The following SENP6 variants were observed in gnomAD, a reference collection of about 807,000 sequenced individuals.
The protein encoded by SENP6 is SUMO specific peptidase 6, also known as sentrin-specific protease 6.
In SENP6, 41 loss-of-function variants were observed where a neutral mutation model predicts 134.5. The ratio of observed to expected loss-of-function variants is 0.30; its 90% CI spans 0.24 to 0.40. The LOEUF is 0.40. Ranked by LOEUF, SENP6 falls within the 10% of genes least tolerant of loss-of-function variation. The probability of loss-of-function intolerance (pLI) is 1.00; values close to 1 mark genes in which losing one functional copy is unlikely to be tolerated. For synonymous variants in SENP6, 395 were observed against 429.8 expected (o/e 0.92, Z 1.00); for missense variants, 1,248 against 1,312.5 (o/e 0.95, Z 0.76).
At chr6:75,619,480 T>C (rs1768103980) in intron 1 of SENP6, among the ~76,000 whole-genome samples, 1 of 151,868 alleles carries the variant, frequency 6.6e-6, no homozygotes, top group Non-Finnish European at 1.5e-5. Flanking sequence ...TGTGTACATA[T>C]GTACACACAT....
chr6:75,628,297 A>G (rs1768853692), intron 3 of SENP6, among the ~76,000 whole-genome samples: 1 of 152,098 alleles, frequency 6.6e-6, no homozygotes, highest in South Asian at 2.1e-4. Flanking sequence ...GATATCCTTC[A>G]CTGAAGATAA....
intron 1 of SENP6, among the ~76,000 whole-genome samples, chr6:75,605,945 A>G (rs1365602591): frequency 6.6e-6 from 1 of 152,144 alleles, no homozygotes; most frequent in Non-Finnish European, 1.5e-5. Flanking sequence ...AGAGAAGTTG[A>G]TAGGTTGAGG....
At chr6:75,617,263 CTTTTTTT>C (rs71002751) in intron 1 of SENP6, among the ~76,000 whole-genome samples, 8 of 58,094 alleles carry the variant, frequency 1.4e-4, no homozygotes, top group Admixed American at 2.3e-4. Flanking sequence ...TTCTTTCTTT[CTTTTTTT>C]TTTTTTTTTT....
intron 7 of SENP6, chr6:75,654,921 C>G (rs1205629125): frequency 6.6e-6 from 1 of 152,226 alleles, no homozygotes; most frequent in Non-Finnish European, 1.5e-5. Flanking sequence ...ACATGTCCAT[C>G]TAGTCATCCC....
rs1491076258 is a variant in SENP6 at position 75,705,923 on chromosome 6, GCC to G, written c.2716+2852_2716+2853del. 6.8e-4 allele frequency among the ~76,000 whole-genome samples: 27 copies of G among 39,912 alleles called. 1 individual carries two copies. The highest frequency in any genetic ancestry group is 3.5e-3 in the African/African-American group (25 of 7,128). The allele number at this position is 39,912 out of a possible 152,430, so 26.2% of individuals were successfully genotyped here. On this transcript the variant is annotated intron_variant, in intron 19 of 23. Transcript: ENST00000447266. ...TAGTGAGTTAGAAAGCTATTTTTGA[GCC>G]TTTTTTTTTTTTTTTTTTTTTTTTT...
In SENP6 at chr6:75,663,582, C is replaced by A. The variant is rs575992926; in HGVS notation, c.994+64C>A. On this transcript the variant is annotated intron_variant, in intron 9 of 23. Coordinates refer to ENST00000447266, the MANE Select transcript of SENP6 (RefSeq NM_015571.4). ...CCAGTATTTTTCAGATATATTTTTA[C>A]AACCACTCTCCCCAACCCCATATAT... 84 of 1,211,522 alleles carry A rather than the reference C, an allele frequency of 6.9e-5. No homozygotes were observed. In the South Asian group the frequency reaches 9.3e-4, roughly 13 times the overall value. The allele number at this position is 1,211,522 out of a possible 1,614,324, so 75.0% of individuals were successfully genotyped here.
At chr6:75,706,878 G>GT (rs763797149) in intron 19 of SENP6, among the ~76,000 whole-genome samples, 7 of 152,314 alleles carry the variant, frequency 4.6e-5, no homozygotes, top group South Asian at 2.1e-4. Context: ...TTCACTTGCT[G>GT]TTTTTTCACT....
At chr6:75,699,473 TTTTG>T (rs1165752894) in intron 18 of SENP6, among the ~76,000 whole-genome samples, 8 of 150,746 alleles carry the variant, frequency 5.3e-5, no homozygotes, top group African/African-American at 2.0e-4. Context: ...GTAGTACCAG[TTTTG>T]TTTTTCTTTT....
Position 75,677,012 on chromosome 6 carries a change from A to T in SENP6, c.1622-18A>T, listed in dbSNP as rs758705918. ...TTCTTTTGTGTTTTTTTTTGGACTT[A>T]TATTTATTTCTTTTCAGATTTAGAA... On this transcript the variant is annotated intron_variant, in intron 13 of 23. Transcript: ENST00000447266. 11 of 1,210,028 alleles carry T rather than the reference A, an allele frequency of 9.1e-6. No homozygotes were observed. The African/African-American group carries it at 9.3e-5, about 10-fold the overall frequency. The allele number at this position is 1,210,028 out of a possible 1,614,324, so 75.0% of individuals were successfully genotyped here. A position where few individuals can be genotyped will look rare whatever the true frequency, so the allele number is the denominator to read the frequency against.
rs1350743712 is a variant in SENP6, at chr6:75,717,088, CTCTT to C, written c.*1496_*1499del. The C allele has an allele frequency of 6.6e-6, 1 of 151,622 alleles. No individual in the cohort carries two copies. Among genetic ancestry groups the C allele is most frequent in the Non-Finnish European group, 1.5e-5 (1 of 67,854 alleles). 9.4% of individuals were successfully genotyped at this position (151,622 alleles called of 1,614,324 possible). ...TACTTTGAACTATATTTCTGATTAA[CTCTT>C]TATAGTAATAACTTAGAGCTGTTAG... On this transcript the variant is annotated 3_prime_UTR_variant, in exon 24 of 24. Transcript: ENST00000447266.
intron 7 of SENP6, among the ~76,000 whole-genome samples, chr6:75,656,389 G>A (rs147016958): frequency 6.6e-6 from 1 of 152,242 alleles, no homozygotes; most frequent in East Asian, 1.9e-4. Context: ...CTTCTCTGGA[G>A]TAATCTGTTG....
At chr6:75,619,445 ATGTGTGTGTG>A (rs61131437) in intron 1 of SENP6, among the ~76,000 whole-genome samples, 171 of 149,352 alleles carry the variant, frequency 1.1e-3, no homozygotes, top group African/African-American at 3.9e-3. Flanking sequence ...CGTTGTGTCT[ATGTGTGTGTG>A]TGTGTGTGTG....
chr6:75,625,579 T>C (rs749721925), intron 3 of SENP6, among the ~76,000 whole-genome samples: 2 of 152,200 alleles, frequency 1.3e-5, no homozygotes, highest in Non-Finnish European at 2.9e-5. Context: ...ATTTAATAAC[T>C]TATTTGGGGC....
intron 7 of SENP6, among the ~76,000 whole-genome samples, chr6:75,650,974 A>G (rs983279378): frequency 2.6e-4 from 40 of 152,140 alleles, no homozygotes; most frequent in African/African-American, 9.7e-4. Context: ...GGCACTTAGT[A>G]TATTTTTTTA....
intron 6 of SENP6, among the ~76,000 whole-genome samples, chr6:75,643,735 A>G (rs1017272404): frequency 1.1e-4 from 17 of 152,196 alleles, no homozygotes; most frequent in Non-Finnish European, 2.9e-5. Context: ...AATGAAAACA[A>G]TAGAATACAA....
intron 1 of SENP6, among the ~76,000 whole-genome samples, chr6:75,606,987 G>A (rs115900054): frequency 0.011 from 1,733 of 152,206 alleles, 32 homozygotes; most frequent in African/African-American, 0.039. Context: ...CTTAAGGGAG[G>A]ACAATAATGG....
chr6:75,607,040 T>C (rs1174294898), intron 1 of SENP6, among the ~76,000 whole-genome samples: 3 of 152,022 alleles, frequency 2.0e-5, no homozygotes, highest in Non-Finnish European at 2.9e-5. Context: ...GGAGGTGACA[T>C]CACATTTATT....
At chr6:75,621,905 T>C (rs1350074773) in intron 2 of SENP6, among the ~76,000 whole-genome samples, 2 of 152,118 alleles carry the variant, frequency 1.3e-5, no homozygotes, top group African/African-American at 4.8e-5. Flanking sequence ...AATAAGGAAA[T>C]TGTTTTTTGT....
intron 1 of SENP6, among the ~76,000 whole-genome samples, chr6:75,605,056 G>A (rs1266200904): frequency 2.0e-5 from 3 of 152,206 alleles, no homozygotes; most frequent in Admixed American, 1.3e-4. Context: ...CCTGGGCGAG[G>A]AGCGAAACTA....
Sources: gnomAD v4.1 joint callset for allele counts (sites outside exome capture counted in the v4.1 genomes callset) on GRCh38, gnomAD v4.1.1 for gene constraint, MANE v1.5 for transcripts, NCBI Gene and HGNC (gene_info 2026-07-23, HGNC 2026-07-21) for gene names.